Variants in TBCD observed in about 807,000 individuals in gnomAD.
TBCD encodes the protein tubulin-specific chaperone D.
TBCD carries 105 observed loss-of-function variants against 169.3 expected under a neutral mutation model. The ratio of observed to expected loss-of-function variants is 0.62; its 90% CI spans 0.53 to 0.73. The LOEUF is 0.73. TBCD is among the 30% of genes least tolerant of loss of function. The probability of loss-of-function intolerance (pLI) is 0.00; values close to 1 mark genes in which losing one functional copy is unlikely to be tolerated. For synonymous variants in TBCD, 700 were observed against 643.9 expected (o/e 1.09, Z -1.32); for missense variants, 1,444 against 1,600.1 (o/e 0.90, Z 1.66).
chr17:82,772,468 G>T lies in TBCD; in HGVS notation c.599G>T (p.Ser200Ile). 1 of 1,613,936 alleles carries T rather than the reference G, an allele frequency of 6.2e-7. No individual in the cohort carries two copies. Among genetic ancestry groups the T allele is most frequent in the Non-Finnish European group, 8.5e-7 (1 of 1,179,884 alleles). ...TTCTTGCAGTCCTACTTGATTGTCA[G>T]TGACAAGGCCCGAGATGCAGCTGCT... ...LQIAESYLIV[S>I]DKARDAAAVL... The change falls in exon 6 of 39, where the codon AGT becomes ATT. Residue 200 changes from serine (S) to isoleucine (I), a missense_variant. Physicochemically the swap from Ser to Ile is moderately radical, Grantham distance 142 (BLOSUM62 -2). Transcript: ENST00000355528.
At chr17:82,850,266 TTGTTGGCTGTGCTGC>T (rs2055641346) in intron 13 of TBCD, among the ~76,000 whole-genome samples, 1 of 119,036 alleles carries the variant, frequency 8.4e-6, no homozygotes, top group East Asian at 2.6e-4. Context: ...GGCTGTGTTG[TTGTTGGCTGTGCTGC>T]TGTTGGCTGT....
chr17:82,942,677 T>C lies in TBCD; in HGVS notation c.*214T>C, dbSNP rs1291830671. The C allele has an allele frequency of 6.4e-6, 4 of 621,350 alleles. No homozygotes were observed. The highest frequency in any genetic ancestry group is 1.9e-5 in the South Asian group (1 of 51,552). The allele number at this position is 621,350 out of a possible 1,614,324, so 38.5% of individuals were successfully genotyped here. A position where few individuals can be genotyped will look rare whatever the true frequency, so the allele number is the denominator to read the frequency against. ...CTCTGCCTTCACTTGAACACAAATGTGCTTCCTATAAAATCATGTACCAAG... is the reference window on the plus strand; with the variant it reads ...CTCTGCCTTCACTTGAACACAAATGCGCTTCCTATAAAATCATGTACCAAG... On this transcript the variant is annotated 3_prime_UTR_variant, in exon 39 of 39. Coordinates refer to ENST00000355528, the MANE Select transcript of TBCD (RefSeq NM_005993.5).
rs1019096983 is a variant in TBCD, at chr17:82,930,137, C to T, written c.2992-385C>T. 23 of 284,030 alleles carry T rather than the reference C, an allele frequency of 8.1e-5. No individual in the cohort carries two copies. Among genetic ancestry groups the T allele is most frequent in the African/African-American group, 1.6e-4 (7 of 44,836 alleles). The allele number at this position is 284,030 out of a possible 1,614,324, so 17.6% of individuals were successfully genotyped here. A position where few individuals can be genotyped will look rare whatever the true frequency, so the allele number is the denominator to read the frequency against. ...GCCCTCTGCGCCGTGCGGGCGCGTG[C>T]GGGGAGACCCGGGCCACATGCGAGC... On this transcript the variant is annotated intron_variant, in intron 32 of 38. Coordinates refer to ENST00000355528, the MANE Select transcript of TBCD (RefSeq NM_005993.5). This position sits in a 1 kb window ranked among gnomAD's most constrained non-coding sequence, Gnocchi z 5.2.
chr17:82,868,889 C>T (rs998823800), intron 13 of TBCD, among the ~76,000 whole-genome samples: 7 of 148,826 alleles, frequency 4.7e-5, no homozygotes, highest in Admixed American at 6.6e-5. Context: ...AGTGTACAGA[C>T]GGCGTGTGCG....
Position 82,943,751 on chromosome 17 carries a change from G to A in TBCD, c.*1288G>A, listed in dbSNP as rs1429123905. 1 of 152,206 alleles carries A rather than the reference G, an allele frequency of 6.6e-6. No homozygotes were observed. Among genetic ancestry groups the A allele is most frequent in the East Asian group, 1.9e-4 (1 of 5,196 alleles). The allele number at this position is 152,206 out of a possible 1,614,324, so 9.4% of individuals were successfully genotyped here. A position where few individuals can be genotyped will look rare whatever the true frequency, so the allele number is the denominator to read the frequency against. ...CTACTGTTGTTGTGTTTGACCTGGT[G>A]GCCAATGGTCTTTATACCCTAAAAG... On this transcript the variant is annotated 3_prime_UTR_variant, in exon 39 of 39. Transcript: ENST00000355528.
chr17:82,752,619 C>T (rs900607770), intron 1 of TBCD, among the ~76,000 whole-genome samples: 1 of 152,078 alleles, frequency 6.6e-6, no homozygotes, highest in Admixed American at 6.5e-5. Flanking sequence ...GCCCGCGGAG[C>T]GCCTGCTCTC....
intron 13 of TBCD, among the ~76,000 whole-genome samples, chr17:82,869,077 A>C (rs975039049): frequency 6.6e-6 from 1 of 152,126 alleles, no homozygotes; most frequent in Non-Finnish European, 1.5e-5. Context: ...AGGAGTGCTT[A>C]TCTGGGGAGG....
intron 4 of TBCD, 151 bp from the exon 5 acceptor site, chr17:82,768,269 C>A: frequency 1.1e-6 from 1 of 906,634 alleles, no homozygotes. Flanking sequence ...AGTTGGTGAA[C>A]GGCTTGCATT....
At chr17:82,812,660 G>C (rs914881290) in intron 12 of TBCD, among the ~76,000 whole-genome samples, 1 of 152,108 alleles carries the variant, frequency 6.6e-6, no homozygotes, top group African/African-American at 2.4e-5. Flanking sequence ...TTCCCCTGCC[G>C]CAGCCCCCAA....
chr17:82,941,032 C>G (rs893251340), intron 37 of TBCD, among the ~76,000 whole-genome samples: 1 of 152,252 alleles, frequency 6.6e-6, no homozygotes, highest in Non-Finnish European at 1.5e-5. Flanking sequence ...GATATCTCCA[C>G]AGCATTGCTA....
At chr17:82,787,887 A>G (rs772554743) in intron 7 of TBCD, among the ~76,000 whole-genome samples, 1 of 152,202 alleles carries the variant, frequency 6.6e-6, no homozygotes, top group Non-Finnish European at 1.5e-5. Context: ...GTCCCAATTT[A>G]AGCATTAAGA....
chr17:82,914,881 T>A (rs879926163), intron 23 of TBCD, among the ~76,000 whole-genome samples: 3 of 152,224 alleles, frequency 2.0e-5, no homozygotes, highest in Non-Finnish European at 4.4e-5. Flanking sequence ...GTAGGAATAG[T>A]TCAGAAGGGG....
intron 16 of TBCD, among the ~76,000 whole-genome samples, chr17:82,891,196 CTG>C (rs1431027465): frequency 6.6e-6 from 1 of 152,230 alleles, no homozygotes; most frequent in East Asian, 1.9e-4. Context: ...ACCAGCCTCC[CTG>C]TGTGTGTGGC....
At position 82,831,026 on chromosome 17, in the gene TBCD, G is replaced by T; in HGVS notation, c.1318+16092G>T. 6.2e-7 allele frequency: 1 copy of T among 1,614,166 alleles called. No homozygotes were observed. The highest frequency in any genetic ancestry group is 8.5e-7 in the Non-Finnish European group (1 of 1,180,052). On this transcript the variant is annotated intron_variant, in intron 13 of 38. Coordinates refer to ENST00000355528, the MANE Select transcript of TBCD (RefSeq NM_005993.5). The surrounding 1 kb of genome is among the most constrained non-coding windows in gnomAD (Gnocchi z 4.6). Reference sequence around the variant, plus strand: ...AAAATGACATTTTCTTACCTTACTGGAGACTCTGCTGTGGTCTCAGCAGCC... The same window carrying T: ...AAAATGACATTTTCTTACCTTACTGTAGACTCTGCTGTGGTCTCAGCAGCC...
At chr17:82,778,673 C>T (rs2048750425) in intron 6 of TBCD, among the ~76,000 whole-genome samples, 2 of 151,772 alleles carry the variant, frequency 1.3e-5, no homozygotes, top group African/African-American at 4.8e-5. Flanking sequence ...CTCTTGTTGC[C>T]CAGGCTGGAG....
chr17:82,768,316 A>G (rs2144037385), intron 4 of TBCD, 104 bp from the exon 5 acceptor site: 3 of 1,382,692 alleles, frequency 2.2e-6, no homozygotes, highest in Non-Finnish European at 3.0e-6. Context: ...AATGGCTTTC[A>G]TAGGCATTGG....
At chr17:82,907,923 A>G (rs2060361409) in intron 21 of TBCD, 102 bp downstream of exon 21, 1 of 1,273,376 alleles carries the variant, frequency 7.9e-7, no homozygotes, top group East Asian at 2.5e-5. Context: ...CCTGGTGGCC[A>G]CTGTGCTCCA....
intron 6 of TBCD, among the ~76,000 whole-genome samples, chr17:82,780,497 C>T (rs1321990630): frequency 2.0e-5 from 3 of 151,774 alleles, no homozygotes; most frequent in Admixed American, 6.6e-5. Context: ...TGGTGGCGTG[C>T]GCTTGTAGTC....
chr17:82,924,206 A>G (rs1462258365), intron 26 of TBCD, among the ~76,000 whole-genome samples: 2 of 152,146 alleles, frequency 1.3e-5, no homozygotes, highest in Non-Finnish European at 2.9e-5. Flanking sequence ...CACCTGCCTC[A>G]GCCTCCCAAA....
Sources: allele counts gnomAD v4.1 joint callset (sites outside exome capture counted in the v4.1 genomes callset), GRCh38; gene constraint gnomAD v4.1.1; non-coding constraint Gnocchi (gnomAD v3.1); transcripts MANE v1.5; gene names NCBI Gene and HGNC (gene_info 2026-07-23, HGNC 2026-07-21).